ACLY: variants seen among roughly 807,000 people sequenced by gnomAD.
The protein encoded by ACLY is ATP citrate lyase.
In ACLY, 41 loss-of-function variants were observed where a neutral mutation model predicts 133.0. The observed-to-expected ratio is 0.31, with a 90% confidence interval of 0.24 to 0.40. The LOEUF is 0.40. Among genes scored for constraint, ACLY ranks in the 10% least tolerant of loss-of-function variants. ACLY has a pLI of 1.00. For synonymous variants in ACLY, 495 were observed against 549.3 expected (o/e 0.90, Z 1.38); for missense variants, 1,046 against 1,453.8 (o/e 0.72, Z 4.56).
intron 8 of ACLY, 103 bp downstream of exon 8, chr17:41,906,425 A>G (rs1329665093): frequency 2.9e-6 from 3 of 1,025,606 alleles, no homozygotes; most frequent in South Asian, 1.4e-5. Context: ...CCTCTGCCCC[A>G]AATTCCCACA....
At chr17:41,896,069 T>A (rs1460941999) in intron 14 of ACLY, among the ~76,000 whole-genome samples, 1 of 152,046 alleles carries the variant, frequency 6.6e-6, no homozygotes, top group Non-Finnish European at 1.5e-5. Flanking sequence ...TTCACCTCTT[T>A]TGTTCCTCCA....
At chr17:41,878,743 A>G in intron 21 of ACLY, 54 bp downstream of exon 21, 3 of 1,609,372 alleles carry the variant, frequency 1.9e-6, no homozygotes, top group Non-Finnish European at 2.5e-6. Context: ...CTGCTGTCTC[A>G]GGAGGGATTT....
intron 16 of ACLY, among the ~76,000 whole-genome samples, chr17:41,887,985 G>C (rs2049100668): frequency 6.6e-6 from 1 of 151,942 alleles, no homozygotes; most frequent in East Asian, 1.9e-4. Context: ...AAAATTAGCT[G>C]GGTATGGTGG....
At chr17:41,867,947 G>T in intron 28 of ACLY, 43 bp from the exon 29 acceptor site, 1 of 1,425,032 alleles carries the variant, frequency 7.0e-7, no homozygotes, top group Non-Finnish European at 9.8e-7. Flanking sequence ...AGCTTCATAA[G>T]CCTGGTGAGA....
intron 20 of ACLY, among the ~76,000 whole-genome samples, chr17:41,880,334 A>G (rs1271526792): frequency 2.6e-5 from 4 of 152,230 alleles, no homozygotes; most frequent in Non-Finnish European, 4.4e-5. Flanking sequence ...CCATGCAAAC[A>G]GAACAAAAAG....
At position 41,909,623 on chromosome 17, in the gene ACLY, G is replaced by A. The variant is rs782205226; in HGVS notation, c.423C>T (p.Asp141=). 22 of 1,613,944 alleles carry A rather than the reference G, an allele frequency of 1.4e-5. No individual in the cohort carries two copies. The highest frequency in any genetic ancestry group is 1.7e-5 in the Non-Finnish European group (20 of 1,180,002). ...YVLFHHEGGV[D]VGDVDAKAQK... ...GGGCCTTGGCGTCCACATCACCCAC[G>A]TCCACACCCCCCTCGTGGTGGAACA... The change falls in exon 5 of 29, where the codon GAC becomes GAT. Residue 141 remains aspartate (D), a synonymous_variant. Coordinates refer to ENST00000352035, the MANE Select transcript of ACLY (RefSeq NM_001096.3).
intron 9 of ACLY, among the ~76,000 whole-genome samples, chr17:41,905,014 C>T (rs1198359798): frequency 2.0e-5 from 3 of 152,086 alleles, no homozygotes; most frequent in Non-Finnish European, 4.4e-5. Context: ...CCCACAGGAG[C>T]ACTACATAAC....
upstream of ACLY, among the ~76,000 whole-genome samples, chr17:41,921,840 C>T (rs2050187285): frequency 6.6e-6 from 1 of 152,088 alleles, no homozygotes; most frequent in Non-Finnish European, 1.5e-5. Flanking sequence ...TGGCACACAC[C>T]TGTAGTCCAA....
chr17:41,890,512 G>A (rs1433605885), intron 16 of ACLY, among the ~76,000 whole-genome samples: 5 of 148,900 alleles, frequency 3.4e-5, no homozygotes, highest in South Asian at 2.2e-4. Flanking sequence ...GTGAAACTCC[G>A]TCTCTACTAA....
intron 27 of ACLY, 80 bp downstream of exon 27, chr17:41,868,963 G>T: frequency 7.2e-7 from 1 of 1,384,246 alleles, no homozygotes. Context: ...TCTATTATGA[G>T]TATGCATTAC....
At chr17:41,894,376 C>CAAAAAAAAAAAAAAAAAAAAAA in intron 14 of ACLY, among the ~76,000 whole-genome samples, 1 of 59,952 alleles carries the variant, frequency 1.7e-5, no homozygotes, top group African/African-American at 6.6e-5. Flanking sequence ...GACCCTGTCT[C>CAAAAAAAAAAAAAAAAAAAAAA]AAAAAAAAAA....
chr17:41,898,873 CATG>C, intron 11 of ACLY, 88 bp from the exon 12 acceptor site: 2 of 1,354,968 alleles, frequency 1.5e-6, no homozygotes, highest in South Asian at 2.7e-5. Flanking sequence ...CTTTTACAGC[CATG>C]ATCAGTGTTT....
chr17:41,895,250 G>C (rs2049332580), intron 14 of ACLY, among the ~76,000 whole-genome samples: 1 of 152,228 alleles, frequency 6.6e-6, no homozygotes, highest in African/African-American at 2.4e-5. Flanking sequence ...GCCATCCTCA[G>C]GGGAAGCCTG....
chr17:41,876,435 G>A (rs1171818598), intron 22 of ACLY, among the ~76,000 whole-genome samples: 2 of 152,226 alleles, frequency 1.3e-5, no homozygotes, highest in Admixed American at 6.5e-5. Flanking sequence ...CATTGCGAGC[G>A]AGCCATGATG....
chr17:41,910,754 CAG>C (rs1383102648), intron 3 of ACLY, among the ~76,000 whole-genome samples: 6 of 152,180 alleles, frequency 3.9e-5, no homozygotes, highest in Admixed American at 6.5e-5. Flanking sequence ...CTTCTCCACG[CAG>C]ACTCTCCTGG....
At chr17:41,905,402 C>T (rs1325666632) in intron 9 of ACLY, 120 bp downstream of exon 9, 2 of 1,349,726 alleles carry the variant, frequency 1.5e-6, no homozygotes, top group Non-Finnish European at 2.1e-6. Context: ...AATGATTAGC[C>T]TCAAGTTGCA....
intron 28 of ACLY, among the ~76,000 whole-genome samples, 176 bp from the exon 29 acceptor site, chr17:41,868,080 G>A (rs2048507444): frequency 6.6e-6 from 1 of 151,854 alleles, no homozygotes; most frequent in Non-Finnish European, 1.5e-5. Context: ...GGGAGCTGCT[G>A]GATCTGATTC....
intron 13 of ACLY, 93 bp from the exon 14 acceptor site, chr17:41,896,742 C>G: frequency 8.1e-7 from 1 of 1,228,894 alleles, no homozygotes; most frequent in Non-Finnish European, 1.1e-6. Context: ...GTCCCATGGA[C>G]AAGCCTTTCA....
chr17:41,873,772 A>G, intron 23 of ACLY, 39 bp downstream of exon 23: 1 of 1,503,716 alleles, frequency 6.7e-7, no homozygotes, highest in Non-Finnish European at 8.9e-7. Context: ...ATTAACTCTG[A>G]GCTGCAGGGC....
Sources: gnomAD v4.1 joint callset for allele counts (sites outside exome capture counted in the v4.1 genomes callset) on GRCh38, gnomAD v4.1.1 for gene constraint, MANE v1.5 for transcripts, NCBI Gene and HGNC (gene_info 2026-07-23, HGNC 2026-07-21) for gene names.